VAT1L: variants seen among roughly 807,000 people sequenced by gnomAD.
VAT1L encodes the protein vesicle amine transport 1 like.
In VAT1L, 34 loss-of-function variants were observed where a neutral mutation model predicts 44.1. That is an observed-to-expected ratio of 0.77 (90% CI 0.59 to 1.03). The LOEUF (loss-of-function observed/expected upper bound fraction) is 1.03. Among genes scored for constraint, VAT1L ranks in the 50% least tolerant of loss-of-function variants. The probability of loss-of-function intolerance (pLI) is 0.00; values close to 1 mark genes in which losing one functional copy is unlikely to be tolerated. For missense variants in VAT1L, 615 were observed against 538.8 expected, an observed-to-expected ratio of 1.14 and a Z score of -1.40; for synonymous variants, 253 against 202.2, an observed-to-expected ratio of 1.25 and a Z score of -2.13.
intron 8 of VAT1L, among the ~76,000 whole-genome samples, chr16:77,975,295 C>T (rs775492392): frequency 1.4e-5 from 2 of 142,594 alleles, no homozygotes; most frequent in Admixed American, 7.6e-5. Context: ...CTGCAACCTT[C>T]GCCTTCCGGG....
intron 3 of VAT1L, among the ~76,000 whole-genome samples, chr16:77,862,112 G>A (rs2016920776): frequency 1.3e-5 from 2 of 152,124 alleles, no homozygotes; most frequent in South Asian, 2.1e-4. Context: ...GCTTGGATTC[G>A]CCTGATTCCC....
chr16:77,794,238 T>G (rs546816564), intron 1 of VAT1L, among the ~76,000 whole-genome samples: 1 of 152,318 alleles, frequency 6.6e-6, no homozygotes, highest in South Asian at 2.1e-4. Flanking sequence ...TGTATTTGAC[T>G]GATTTGAAAT....
chr16:77,941,934 C>T (rs942999206), intron 7 of VAT1L, among the ~76,000 whole-genome samples: 2 of 152,132 alleles, frequency 1.3e-5, no homozygotes, highest in East Asian at 1.9e-4. Flanking sequence ...ACACTCCTCC[C>T]AACAGTGTAT....
chr16:77,927,147 G>T (rs2017678614), intron 7 of VAT1L, among the ~76,000 whole-genome samples: 1 of 151,936 alleles, frequency 6.6e-6, no homozygotes, highest in Non-Finnish European at 1.5e-5. Flanking sequence ...GACCATCCTG[G>T]CTAACATGGT....
intron 4 of VAT1L, among the ~76,000 whole-genome samples, chr16:77,870,026 A>G (rs1396522514): frequency 6.6e-6 from 1 of 152,202 alleles, no homozygotes; most frequent in Non-Finnish European, 1.5e-5. Context: ...AATAGGGACC[A>G]AGGGATCTAG....
At chr16:77,852,235 C>CA (rs1464796050) in intron 3 of VAT1L, among the ~76,000 whole-genome samples, 1 of 152,194 alleles carries the variant, frequency 6.6e-6, no homozygotes, top group African/African-American at 2.4e-5. Flanking sequence ...GAGGGGCTGT[C>CA]ACTGGTGTGT....
At chr16:77,881,883 C>T (rs1435406046) in intron 6 of VAT1L, among the ~76,000 whole-genome samples, 1 of 152,254 alleles carries the variant, frequency 6.6e-6, no homozygotes, top group African/African-American at 2.4e-5. Context: ...TCCCAAATTA[C>T]ATACAATTGT....
At chr16:77,941,202 A>G (rs540829847) in intron 7 of VAT1L, among the ~76,000 whole-genome samples, 1 of 152,268 alleles carries the variant, frequency 6.6e-6, no homozygotes, top group African/African-American at 2.4e-5. Flanking sequence ...CTTGCTTCTC[A>G]GAAGATAAGG....
At chr16:77,827,496 G>A (rs2016535463) in intron 3 of VAT1L, among the ~76,000 whole-genome samples, 1 of 152,314 alleles carries the variant, frequency 6.6e-6, no homozygotes, top group African/African-American at 2.4e-5. Flanking sequence ...TCTATTCTGG[G>A]CTTACAGATG....
At chr16:77,906,473 T>TGTTGA (rs2017438093) in intron 7 of VAT1L, among the ~76,000 whole-genome samples, 2 of 152,156 alleles carry the variant, frequency 1.3e-5, no homozygotes, top group African/African-American at 4.8e-5. Flanking sequence ...TCGCCTCAAA[T>TGTTGA]CAGAGCCTGG....
At chr16:77,826,101 G>T (rs1439381011) in intron 3 of VAT1L, among the ~76,000 whole-genome samples, 1 of 148,658 alleles carries the variant, frequency 6.7e-6, no homozygotes, top group African/African-American at 2.5e-5. Context: ...CAGCTACTTG[G>T]GAGGCTGAGG....
chr16:77,929,196 C>T lies in VAT1L; in HGVS notation c.1078-42654C>T, dbSNP rs117699478. 8.9e-3 allele frequency among the ~76,000 whole-genome samples: 1,351 copies of T among 152,230 alleles called. 4 individuals carry two copies. Among genetic ancestry groups the T allele is most frequent in the Non-Finnish European group, 0.013 (902 of 68,024 alleles). ...CTCTGCATTCTCTGGATTGATGGAA[C>T]GCGACATTTTTCTTTGTCTCCAGAA... is the stretch of plus-strand genomic sequence containing the variant. On this transcript the variant is annotated intron_variant, in intron 7 of 8. Coordinates refer to ENST00000302536, the MANE Select transcript of VAT1L (RefSeq NM_020927.3).
intron 1 of VAT1L, among the ~76,000 whole-genome samples, chr16:77,803,699 G>A (rs138213320): frequency 1.4e-3 from 212 of 152,234 alleles, no homozygotes; most frequent in Middle Eastern, 6.8e-3. Context: ...GATTACAGGC[G>A]TGAACCACCA....
chr16:77,824,845 G>A (rs945628790), intron 2 of VAT1L, among the ~76,000 whole-genome samples: 2 of 149,734 alleles, frequency 1.3e-5, no homozygotes. Flanking sequence ...TTGTACCGTG[G>A]ATAGCTCCCA....
At chr16:77,891,734 G>A (rs1301149121) in intron 7 of VAT1L, among the ~76,000 whole-genome samples, 2 of 152,214 alleles carry the variant, frequency 1.3e-5, no homozygotes, top group Admixed American at 1.3e-4. Context: ...GTGATGCTGA[G>A]CTTGACAGGG....
chr16:77,941,729 G>A (rs945156555), intron 7 of VAT1L, among the ~76,000 whole-genome samples: 1 of 152,078 alleles, frequency 6.6e-6, no homozygotes, highest in South Asian at 2.1e-4. Flanking sequence ...GGGATTACAG[G>A]CACCATGCCA....
chr16:77,845,679 T>C (rs2016751494), intron 3 of VAT1L, among the ~76,000 whole-genome samples: 1 of 151,994 alleles, frequency 6.6e-6, no homozygotes, highest in African/African-American at 2.4e-5. Flanking sequence ...GCCTGTCCGC[T>C]CATCCTCTCC....
chr16:77,906,122 C>T (rs944143780), intron 7 of VAT1L, among the ~76,000 whole-genome samples: 4 of 152,106 alleles, frequency 2.6e-5, no homozygotes, highest in African/African-American at 9.7e-5. Flanking sequence ...TTTAAAGTAC[C>T]TTCTTTATTC....
chr16:77,902,256 G>A (rs1048324627), intron 7 of VAT1L, among the ~76,000 whole-genome samples: 13 of 152,198 alleles, frequency 8.5e-5, no homozygotes, highest in African/African-American at 3.1e-4. Flanking sequence ...AATAAGAAAT[G>A]CATGGTAATA....
Sources: allele counts gnomAD v4.1 joint callset (sites outside exome capture counted in the v4.1 genomes callset), GRCh38; gene constraint gnomAD v4.1.1; transcripts MANE v1.5; gene names NCBI Gene and HGNC (gene_info 2026-07-23, HGNC 2026-07-21).